The following BTRC variants were observed in gnomAD, a reference collection of about 807,000 sequenced individuals.
BTRC encodes beta-transducin repeat containing E3 ubiquitin protein ligase.
Under a neutral mutation model 85.5 loss-of-function variants are expected in BTRC, and 42 were observed. That is an observed-to-expected ratio of 0.49 (90% confidence interval 0.38 to 0.64). The LOEUF is 0.64. BTRC is among the 30% of genes least tolerant of loss of function. The pLI, the probability that BTRC is intolerant of heterozygous loss-of-function variation, is 0.00. For missense variants in BTRC, 594 were observed against 743.5 expected (o/e 0.80, Z 2.34); for synonymous variants, 255 against 263.3 (o/e 0.97, Z 0.30).
intron 4 of BTRC, among the ~76,000 whole-genome samples, chr10:101,484,795 TAGGA>T (rs1215646760): frequency 2.0e-5 from 3 of 152,358 alleles, no homozygotes; most frequent in African/African-American, 7.2e-5. Flanking sequence ...TTCAAAAAGA[TAGGA>T]AGGAACTTCA....
chr10:101,373,613 TTCGTATAAATAAAGATGGGCAGGGC>T (rs779996180), intron 1 of BTRC, among the ~76,000 whole-genome samples: 14 of 152,028 alleles, frequency 9.2e-5, no homozygotes, highest in Non-Finnish European at 1.5e-4. Flanking sequence ...TTAAGATATA[TTCGTATAAATAAAGATGGGCAGGGC>T]CGGGCGCGGT....
intron 3 of BTRC, among the ~76,000 whole-genome samples, chr10:101,471,566 G>A (rs756505095): frequency 2.2e-4 from 33 of 152,030 alleles, no homozygotes; most frequent in Admixed American, 5.2e-4. Context: ...CCAGGTTTTG[G>A]TATCAGAGTT....
intron 5 of BTRC, among the ~76,000 whole-genome samples, chr10:101,522,099 C>T (rs2062116217): frequency 8.3e-6 from 1 of 120,992 alleles, no homozygotes; most frequent in East Asian, 2.8e-4. Flanking sequence ...GTGGTGTGAT[C>T]TCAGCTCACT....
At chr10:101,442,756 G>T (rs952618504) in intron 2 of BTRC, among the ~76,000 whole-genome samples, 2 of 152,018 alleles carry the variant, frequency 1.3e-5, no homozygotes, top group African/African-American at 4.8e-5. Flanking sequence ...ATGATACAGG[G>T]CTTGTTCATA....
chr10:101,524,637 A>G (rs775240433), intron 5 of BTRC, among the ~76,000 whole-genome samples: 12 of 152,202 alleles, frequency 7.9e-5, no homozygotes, highest in Non-Finnish European at 1.5e-4. Flanking sequence ...ATGATCAGGA[A>G]CAATTTGATG....
chr10:101,466,433 A>C (rs1485978567), intron 3 of BTRC, among the ~76,000 whole-genome samples: 1 of 152,166 alleles, frequency 6.6e-6, no homozygotes, highest in Non-Finnish European at 1.5e-5. Context: ...CTCCCTTGTT[A>C]GCTTGTTCCT....
chr10:101,355,147 A>G (rs528759892), intron 1 of BTRC, among the ~76,000 whole-genome samples: 13 of 152,326 alleles, frequency 8.5e-5, no homozygotes, highest in Admixed American at 2.0e-4. Flanking sequence ...TGTGGAGGCC[A>G]GGTGCTTTGT....
intron 2 of BTRC, among the ~76,000 whole-genome samples, chr10:101,453,911 C>G (rs1397012779): frequency 6.6e-6 from 1 of 152,176 alleles, no homozygotes; most frequent in Non-Finnish European, 1.5e-5. Flanking sequence ...TGGCCACTTA[C>G]CTCTTCCGTT....
rs146298732 is a variant in BTRC at position 101,513,163 on chromosome 10, G to A, written c.325-8476G>A. ...GTAGAAAAATCTGTATTGGAGAATG[G>A]TAGAAGAAAGGGGCATGACAACAAA... On this transcript the variant is annotated intron_variant, in intron 4 of 14. Coordinates refer to ENST00000370187, the MANE Select transcript of BTRC (RefSeq NM_033637.4). 7.9e-5 allele frequency among the ~76,000 whole-genome samples: 12 copies of A among 152,268 alleles called. No homozygotes were observed. In the East Asian group the frequency reaches 2.3e-3, roughly 29 times the overall value.
At chr10:101,355,688 A>T (rs1473385888) in intron 1 of BTRC, among the ~76,000 whole-genome samples, 4 of 152,254 alleles carry the variant, frequency 2.6e-5, no homozygotes, top group Non-Finnish European at 5.9e-5. Context: ...ATACCGTAAC[A>T]AATCCAGATA....
In BTRC at chr10:101,438,537, TAGTA is replaced by T. The variant is rs543849051; in HGVS notation, c.156+8090_156+8093del. ...ACATATATACTACATTGTGTCAAAT[TAGTA>T]AGTACAAAACTTTTGTGTATGAATT... On this transcript the variant is annotated intron_variant, in intron 2 of 14. Coordinates refer to ENST00000370187, the MANE Select transcript of BTRC (RefSeq NM_033637.4). 6.4e-4 allele frequency among the ~76,000 whole-genome samples: 97 copies of T among 151,562 alleles called. 2 individuals carry two copies. The highest frequency in any genetic ancestry group is 2.2e-3 in the African/African-American group (91 of 41,354).
At chr10:101,368,764 A>G (rs1290691405) in intron 1 of BTRC, among the ~76,000 whole-genome samples, 1 of 152,056 alleles carries the variant, frequency 6.6e-6, no homozygotes, top group African/African-American at 2.4e-5. Flanking sequence ...CATGCCTGTA[A>G]TCCCAGCACT....
intron 4 of BTRC, among the ~76,000 whole-genome samples, chr10:101,504,252 T>C (rs1444754065): frequency 6.6e-6 from 1 of 152,202 alleles, no homozygotes; most frequent in Non-Finnish European, 1.5e-5. Flanking sequence ...TAAGTAGTGG[T>C]TTTAAAAAAT....
intron 13 of BTRC, among the ~76,000 whole-genome samples, chr10:101,539,570 G>GT (rs1331739493): frequency 1.3e-5 from 2 of 152,080 alleles, no homozygotes; most frequent in Non-Finnish European, 2.9e-5. Context: ...CTATTGTATG[G>GT]TTATACCCAT....
intron 1 of BTRC, among the ~76,000 whole-genome samples, chr10:101,399,646 A>T (rs1402955111): frequency 6.6e-6 from 1 of 152,196 alleles, no homozygotes; most frequent in Non-Finnish European, 1.5e-5. Flanking sequence ...ATAGATTTGC[A>T]AACAGAAGTT....
chr10:101,387,162 T>C (rs1264535836), intron 1 of BTRC, among the ~76,000 whole-genome samples: 3 of 152,202 alleles, frequency 2.0e-5, no homozygotes, highest in African/African-American at 7.2e-5. Context: ...CTTATTCATA[T>C]AGCTTTTTTT....
intron 4 of BTRC, among the ~76,000 whole-genome samples, chr10:101,492,987 G>T (rs1353318433): frequency 6.6e-6 from 1 of 152,148 alleles, no homozygotes; most frequent in Non-Finnish European, 1.5e-5. Context: ...CAGCAGTTTA[G>T]GTTGCTGTTG....
At chr10:101,463,206 G>A (rs1400036280) in intron 3 of BTRC, among the ~76,000 whole-genome samples, 2 of 151,942 alleles carry the variant, frequency 1.3e-5, no homozygotes, top group Non-Finnish European at 2.9e-5. Context: ...CTACCACACC[G>A]GGCTAATTTT....
At chr10:101,381,929 C>G (rs1308363599) in intron 1 of BTRC, among the ~76,000 whole-genome samples, 1 of 132,226 alleles carries the variant, frequency 7.6e-6, no homozygotes, top group Non-Finnish European at 1.6e-5. Context: ...ATATACAGTT[C>G]ATATCCAGAA....
Sources: allele counts gnomAD v4.1 joint callset (sites outside exome capture counted in the v4.1 genomes callset), GRCh38; gene constraint gnomAD v4.1.1; transcripts MANE v1.5; gene names NCBI Gene and HGNC (gene_info 2026-07-23, HGNC 2026-07-21).